Variants in RNGTT observed in about 807,000 individuals in gnomAD.
RNGTT encodes mRNA-capping enzyme.
A neutral mutation model predicts 79.3 loss-of-function variants in RNGTT; 33 were observed. The ratio of observed to expected loss-of-function variants is 0.42; its 90% CI spans 0.32 to 0.56. The LOEUF is 0.56. Ranked by LOEUF, RNGTT falls within the 20% of genes least tolerant of loss-of-function variation. The pLI is 0.17. For synonymous variants in RNGTT, 222 were observed against 235.9 expected (o/e 0.94, Z 0.54); for missense variants, 497 against 739.1 (o/e 0.67, Z 3.80).
chr6:88,846,196 C>T (rs1228957644), intron 10 of RNGTT, among the ~76,000 whole-genome samples: 1 of 152,170 alleles, frequency 6.6e-6, no homozygotes, highest in African/African-American at 2.4e-5. Flanking sequence ...GAAGAGACTA[C>T]AGGAAACACT....
intron 11 of RNGTT, among the ~76,000 whole-genome samples, chr6:88,829,207 GC>G (rs1351814602): frequency 1.3e-5 from 2 of 152,166 alleles, no homozygotes; most frequent in African/African-American, 4.8e-5. Flanking sequence ...AACCCTACAA[GC>G]CAGAGGAGAG....
At chr6:88,954,868 C>A (rs1785374436) in intron 1 of RNGTT, among the ~76,000 whole-genome samples, 1 of 151,408 alleles carries the variant, frequency 6.6e-6, no homozygotes, top group South Asian at 2.1e-4. Context: ...CATGATAAAA[C>A]CATGCCTCTA....
At chr6:88,876,789 C>A (rs140665729) in intron 8 of RNGTT, among the ~76,000 whole-genome samples, 1 of 152,164 alleles carries the variant, frequency 6.6e-6, no homozygotes, top group African/African-American at 2.4e-5. Flanking sequence ...ATGTTTGCTG[C>A]CCCCAGAACC....
At chr6:88,668,991 C>T (rs138615829) in intron 14 of RNGTT, among the ~76,000 whole-genome samples, 19 of 152,204 alleles carry the variant, frequency 1.2e-4, no homozygotes, top group Non-Finnish European at 1.8e-4. Context: ...ATGAAAAAGA[C>T]CCTGTTTGCC....
Position 88,844,332 on chromosome 6 carries a change from A to G in RNGTT, c.1269+25T>C, listed in dbSNP as rs147331285. On this transcript the variant is annotated intron_variant, in intron 11 of 15. Coordinates refer to ENST00000369485, the MANE Select transcript of RNGTT (RefSeq NM_003800.5). Reference sequence around the variant, plus strand: ...TGAATTATGAGACATTATTAGCACTAATTTAAAAAAAAATTAAACTTTACC... The same window carrying G: ...TGAATTATGAGACATTATTAGCACTGATTTAAAAAAAAATTAAACTTTACC... 115 of 1,595,030 alleles carry G rather than the reference A, an allele frequency of 7.2e-5. No homozygotes were observed. In the African/African-American group the frequency reaches 1.5e-3, roughly 20 times the overall value.
intron 14 of RNGTT, among the ~76,000 whole-genome samples, chr6:88,615,602 T>A (rs1052046904): frequency 6.6e-6 from 1 of 152,210 alleles, no homozygotes; most frequent in African/African-American, 2.4e-5. Context: ...CCCATTCTTT[T>A]ATTTTGGAAA....
intron 14 of RNGTT, among the ~76,000 whole-genome samples, chr6:88,640,352 C>T (rs1773259788): frequency 6.8e-6 from 1 of 147,546 alleles, no homozygotes. Flanking sequence ...GAGTTTGAGA[C>T]CAACATAGGC....
intron 13 of RNGTT, among the ~76,000 whole-genome samples, chr6:88,729,613 A>T (rs1352096243): frequency 6.6e-6 from 1 of 152,194 alleles, no homozygotes; most frequent in East Asian, 1.9e-4. Context: ...CGATTTATTA[A>T]CTACACTAGA....
intron 13 of RNGTT, among the ~76,000 whole-genome samples, chr6:88,745,376 G>A (rs1386516161): frequency 1.3e-5 from 2 of 152,084 alleles, no homozygotes; most frequent in Non-Finnish European, 2.9e-5. Context: ...TCAAGTTCGA[G>A]GATTCCCTAG....
At chr6:88,697,458 G>A (rs1775718922) in intron 13 of RNGTT, among the ~76,000 whole-genome samples, 1 of 152,034 alleles carries the variant, frequency 6.6e-6, no homozygotes, top group African/African-American at 2.4e-5. Context: ...GGCTGAGGCA[G>A]GAGAATGGCA....
chr6:88,626,358 G>A (rs1582248615), intron 14 of RNGTT, among the ~76,000 whole-genome samples: 1 of 152,016 alleles, frequency 6.6e-6, no homozygotes, highest in East Asian at 1.9e-4. Context: ...TAGGCTCTAG[G>A]GTGAGAAAAT....
rs1364069932 is a variant in RNGTT at position 88,771,311 on chromosome 6, GTGTGTATATA to G, written c.1339-1447_1339-1438del. Reference sequence around the variant, plus strand: ...CAGGACTGTATGTATGTATGTGTGTGTGTGTATATATATATATATATATATATATATATAT... The same window carrying G: ...CAGGACTGTATGTATGTATGTGTGTGTATATATATATATATATATATATAT... On this transcript the variant is annotated intron_variant, in intron 12 of 15. Coordinates refer to ENST00000369485, the MANE Select transcript of RNGTT (RefSeq NM_003800.5). 2.3e-3 allele frequency among the ~76,000 whole-genome samples: 112 copies of G among 48,678 alleles called. 1 individual carries two copies. The highest frequency in any genetic ancestry group is 9.9e-3 in the African/African-American group (110 of 11,140). 31.9% of individuals were successfully genotyped at this position (48,678 alleles called of 152,430 possible). A position where few individuals can be genotyped will look rare whatever the true frequency, so the allele number is the denominator to read the frequency against.
At position 88,617,837 on chromosome 6, in the gene RNGTT, G is replaced by A. The variant is rs540999786; in HGVS notation, c.1507-3442C>T. ...CTTTCTATTTATTTGTATCTTCTTT[G>A]ATTTCTTTCAGCAAGAAACACTGCT... On this transcript the variant is annotated intron_variant, in intron 14 of 15. Transcript: ENST00000369485. Among the ~76,000 whole-genome samples, 27 of 150,432 alleles carry A rather than the reference G, an allele frequency of 1.8e-4. No homozygotes were observed. The South Asian group carries it at 2.3e-3, about 13-fold the overall frequency.
intron 4 of RNGTT, among the ~76,000 whole-genome samples, chr6:88,918,633 G>A (rs1410421515): frequency 6.6e-6 from 1 of 152,138 alleles, no homozygotes; most frequent in Non-Finnish European, 1.5e-5. Context: ...GCCTTGAACT[G>A]AAGACATCAC....
intron 4 of RNGTT, among the ~76,000 whole-genome samples, chr6:88,920,884 T>C (rs1015790779): frequency 6.6e-6 from 1 of 152,194 alleles, no homozygotes; most frequent in Non-Finnish European, 1.5e-5. Flanking sequence ...GTGATATATA[T>C]ATATTTTGTT....
chr6:88,852,526 T>C (rs1174911337), intron 9 of RNGTT, among the ~76,000 whole-genome samples: 1 of 152,094 alleles, frequency 6.6e-6, no homozygotes, highest in Non-Finnish European at 1.5e-5. Flanking sequence ...ACTATGATAG[T>C]TAAATCTATA....
intron 8 of RNGTT, among the ~76,000 whole-genome samples, chr6:88,874,251 G>A (rs192223049): frequency 6.6e-6 from 1 of 152,160 alleles, no homozygotes; most frequent in Non-Finnish European, 1.5e-5. Context: ...TTCCATCAGG[G>A]TATGCCACAT....
intron 11 of RNGTT, among the ~76,000 whole-genome samples, chr6:88,825,247 G>C (rs1430322080): frequency 2.6e-5 from 4 of 152,194 alleles, no homozygotes; most frequent in African/African-American, 9.6e-5. Context: ...GCCATCTGTT[G>C]GTTAGAAGCA....
chr6:88,620,911 CA>C (rs1418836695), intron 14 of RNGTT, among the ~76,000 whole-genome samples: 1 of 152,078 alleles, frequency 6.6e-6, no homozygotes. Context: ...ACATATTGTG[CA>C]AAAAAATCAA....
Sources: gnomAD v4.1 joint callset for allele counts (sites outside exome capture counted in the v4.1 genomes callset) on GRCh38, gnomAD v4.1.1 for gene constraint, MANE v1.5 for transcripts, NCBI Gene and HGNC (gene_info 2026-07-23, HGNC 2026-07-21) for gene names.